ZNF654: variants seen among roughly 807,000 people sequenced by gnomAD.
ZNF654 encodes the protein melanoma-associated antigen.
A neutral mutation model predicts 95.3 loss-of-function variants in ZNF654; 19 were observed. That is an observed-to-expected ratio of 0.20 (90% CI 0.14 to 0.29). ZNF654 has a LOEUF of 0.29. Ranked by LOEUF, ZNF654 falls within the 10% of genes least tolerant of loss-of-function variation. ZNF654 has a pLI of 1.00. For missense variants in ZNF654, 1,046 were observed against 1,341.0 expected (o/e 0.78, Z 3.44); for synonymous variants, 413 against 457.9 (o/e 0.90, Z 1.25).
At position 88,066,578 on chromosome 3, in the gene ZNF654, AC is replaced by A. The variant is rs201811678; in HGVS notation, c.186+7074del. ...CTGTGTAAAACAAACAAACAAACAA[AC>A]AAAAAAAACAAAAAAACCTCAATTT... On this transcript the variant is annotated intron_variant, in intron 1 of 8. Coordinates refer to ENST00000636215, the MANE Select transcript of ZNF654 (RefSeq NM_001350134.2). Among the ~76,000 whole-genome samples, 251 of 148,658 alleles carry A rather than the reference AC, an allele frequency of 1.7e-3. 2 individuals carry two copies. Among genetic ancestry groups the A allele is most frequent in the East Asian group, 3.4e-3 (17 of 5,060 alleles).
chr3:88,104,744 A>T (rs1704629888), intron 2 of ZNF654, among the ~76,000 whole-genome samples: 1 of 152,226 alleles, frequency 6.6e-6, no homozygotes, highest in South Asian at 2.1e-4. Context: ...AAAATTGCTC[A>T]GTCCCAAAGA....
intron 2 of ZNF654, among the ~76,000 whole-genome samples, chr3:88,088,588 G>A (rs1225106076): frequency 2.6e-5 from 4 of 152,150 alleles, no homozygotes; most frequent in African/African-American, 9.7e-5. Context: ...AATCCAGAAT[G>A]TAAAACAAAA....
At chr3:88,124,164 G>A (rs372729025) in intron 3 of ZNF654, among the ~76,000 whole-genome samples, 134 of 152,248 alleles carry the variant, frequency 8.8e-4, no homozygotes, top group African/African-American at 3.1e-3. Flanking sequence ...TCTTTTGAGC[G>A]CTTACTAGGT....
chr3:88,070,133 C>A (rs1444905779), intron 1 of ZNF654, among the ~76,000 whole-genome samples: 2 of 152,116 alleles, frequency 1.3e-5, no homozygotes, highest in Non-Finnish European at 2.9e-5. Context: ...CTACAATTTA[C>A]CAAGATATTA....
In ZNF654 at chr3:88,143,601, C is replaced by G. The variant is rs1044013036; in HGVS notation, c.*1949C>G. On this transcript the variant is annotated 3_prime_UTR_variant, in exon 9 of 9. Coordinates refer to ENST00000636215, the MANE Select transcript of ZNF654 (RefSeq NM_001350134.2). ...TTATCACATTTTCCACAAGTTGTAA[C>G]AATTGATATAAATCCATGCCCACAA... is the stretch of plus-strand genomic sequence containing the variant. 1 of 152,200 alleles carries G rather than the reference C, an allele frequency of 6.6e-6. No homozygotes were observed. The highest frequency in any genetic ancestry group is 2.4e-5 in the African/African-American group (1 of 41,394). The allele number at this position is 152,200 out of a possible 1,614,324, so 9.4% of individuals were successfully genotyped here.
chr3:88,063,671 C>G (rs1707023683), intron 1 of ZNF654, among the ~76,000 whole-genome samples: 1 of 151,946 alleles, frequency 6.6e-6, no homozygotes, highest in Admixed American at 6.6e-5. Flanking sequence ...CATATAAGGC[C>G]TAAGTATCAG....
intron 3 of ZNF654, among the ~76,000 whole-genome samples, chr3:88,116,561 T>C (rs58223193): frequency 0.79 from 119,301 of 150,856 alleles, 47,895 homozygotes; most frequent in South Asian, 0.91. Context: ...TACATATATA[T>C]ACACACACAC....
intron 1 of ZNF654, among the ~76,000 whole-genome samples, chr3:88,081,601 T>C (rs1279674471): frequency 6.6e-6 from 1 of 152,238 alleles, no homozygotes; most frequent in Non-Finnish European, 1.5e-5. Context: ...TGGATTAAAG[T>C]CCAATGCTAT....
Position 88,113,070 on chromosome 3 carries a change from C to G in ZNF654, c.333-45C>G. The stretch of plus-strand genomic sequence containing the variant: ...CTGTTTGATAATCTTTTAATTGGAG[C>G]AAAACTCAAAGAAGCAATGAAAGTT... On this transcript the variant is annotated intron_variant, in intron 2 of 8. Transcript: ENST00000636215. The G allele has an allele frequency of 2.3e-6, 3 of 1,290,734 alleles. No homozygotes were observed. The South Asian group carries it at 4.0e-5, about 17-fold the overall frequency. 80.0% of individuals were successfully genotyped at this position (1,290,734 alleles called of 1,614,324 possible).
chr3:88,095,969 C>T (rs529623615), intron 2 of ZNF654: 2 of 308,104 alleles, frequency 6.5e-6, no homozygotes, highest in Non-Finnish European at 6.1e-6. Context: ...TTTTCTTTCC[C>T]GTGTTGCACT....
intron 3 of ZNF654, among the ~76,000 whole-genome samples, chr3:88,124,460 T>C (rs1449405718): frequency 2.6e-5 from 4 of 152,220 alleles, no homozygotes; most frequent in African/African-American, 9.6e-5. Flanking sequence ...CTTCTACTAC[T>C]TTCTTCTCTC....
chr3:88,106,538 TC>T (rs1429716064), intron 2 of ZNF654, among the ~76,000 whole-genome samples: 1 of 152,144 alleles, frequency 6.6e-6, no homozygotes, highest in Non-Finnish European at 1.5e-5. Flanking sequence ...AAGGTTTCGT[TC>T]GCCATGTTGG....
Position 88,086,380 on chromosome 3 carries a change from T to G in ZNF654, c.310T>G (p.Tyr104Asp). Residue 104 changes from tyrosine to aspartate, a missense_variant, in exon 2 of 9, where the codon TAT (tyrosine) becomes GAT (aspartate). Transcript: ENST00000636215. ...SFPDECEHVQ[Y>D]VLSSLAVSFF... ...CCCAGATGAATGTGAGCATGTACAA[T>G]ATGTTTTGAGTAGCCTTGCTGTGTA... The G allele has an allele frequency of 6.5e-7, 1 of 1,534,194 alleles. No homozygotes were observed. Among genetic ancestry groups the G allele is most frequent in the East Asian group, 2.4e-5 (1 of 40,896 alleles).
At chr3:88,109,120 C>A (rs1399550935) in intron 2 of ZNF654, among the ~76,000 whole-genome samples, 2 of 146,794 alleles carry the variant, frequency 1.4e-5, no homozygotes, top group African/African-American at 5.0e-5. Flanking sequence ...GGTAATGTAT[C>A]CCCTGTGGAT....
chr3:88,070,213 T>C (rs1446998865), intron 1 of ZNF654, among the ~76,000 whole-genome samples: 1 of 152,190 alleles, frequency 6.6e-6, no homozygotes, highest in Non-Finnish European at 1.5e-5. Context: ...TGAGGAATTA[T>C]AAATTTGGAC....
intron 1 of ZNF654, among the ~76,000 whole-genome samples, chr3:88,067,035 G>A (rs1447230600): frequency 6.6e-6 from 1 of 152,160 alleles, no homozygotes; most frequent in Non-Finnish European, 1.5e-5. Context: ...ACTCTCTACT[G>A]TCAACTTTTC....
intron 1 of ZNF654, among the ~76,000 whole-genome samples, chr3:88,082,462 AAC>A (rs1174614802): frequency 6.6e-6 from 1 of 152,206 alleles, no homozygotes; most frequent in Non-Finnish European, 1.5e-5. Context: ...ATTCGCTGTA[AAC>A]AAATGATGAA....
chr3:88,141,147 T>C, intron 8 of ZNF654, 99 bp downstream of exon 8: 1 of 1,368,744 alleles, frequency 7.3e-7, no homozygotes, highest in East Asian at 2.4e-5. Flanking sequence ...TTGATATTTG[T>C]GTAGCACAGG....
chr3:88,066,979 G>C (rs1016847901), intron 1 of ZNF654, among the ~76,000 whole-genome samples: 2 of 151,980 alleles, frequency 1.3e-5, no homozygotes, highest in Non-Finnish European at 2.9e-5. Context: ...TTTGGGAGGA[G>C]GTTGAATTGT....
Sources: allele counts gnomAD v4.1 joint callset (sites outside exome capture counted in the v4.1 genomes callset), GRCh38; gene constraint gnomAD v4.1.1; transcripts MANE v1.5; gene names NCBI Gene and HGNC (gene_info 2026-07-23, HGNC 2026-07-21).